The following MYO9B variants were observed in gnomAD, a reference collection of about 807,000 sequenced individuals.
The protein encoded by MYO9B is myosin IXB, also known as unconventional myosin-IXb.
Under a neutral mutation model 229.5 loss-of-function variants are expected in MYO9B, and 71 were observed. The ratio of observed to expected loss-of-function variants is 0.31; its 90% CI spans 0.26 to 0.38. MYO9B has a LOEUF of 0.38. Ranked by LOEUF, MYO9B falls within the 10% of genes least tolerant of loss-of-function variation. The pLI, the probability that MYO9B is intolerant of heterozygous loss-of-function variation, is 1.00. For synonymous variants in MYO9B, 1,185 were observed against 1,235.8 expected, an observed-to-expected ratio of 0.96 and a Z score of 0.86; for missense variants, 2,255 against 2,920.5, an observed-to-expected ratio of 0.77 and a Z score of 5.25.
intron 13 of MYO9B, among the ~76,000 whole-genome samples, chr19:17,175,242 G>A: frequency 6.7e-6 from 1 of 150,230 alleles, no homozygotes; most frequent in East Asian, 2.0e-4. Context: ...ACTGCACTCG[G>A]CCTAGGCAAT....
intron 2 of MYO9B, among the ~76,000 whole-genome samples, chr19:17,108,397 G>A (rs1338418169): frequency 6.6e-6 from 1 of 152,138 alleles, no homozygotes; most frequent in Non-Finnish European, 1.5e-5. Context: ...GACATTCAGG[G>A]CCGGATCGTT....
chr19:17,077,993 G>A (rs980080114), intron 1 of MYO9B, among the ~76,000 whole-genome samples: 2 of 152,150 alleles, frequency 1.3e-5, no homozygotes, highest in Non-Finnish European at 2.9e-5. Context: ...AGTGGAGCAG[G>A]TAGAGACGTG....
In MYO9B at chr19:17,111,125, C is replaced by T. The variant is rs113402376; in HGVS notation, c.840+8568C>T. ...CCACGTCCTTTCCCCCTGAGTCTGTCGGGCAAGACACAGTTGGATGCCAGC... is the reference window on the plus strand; with the variant it reads ...CCACGTCCTTTCCCCCTGAGTCTGTTGGGCAAGACACAGTTGGATGCCAGC... On this transcript the variant is annotated intron_variant, in intron 2 of 39. Transcript: ENST00000682292. Among the ~76,000 whole-genome samples the T allele has an allele frequency of 8.7e-4, 132 of 152,284 alleles. 2 individuals are homozygous for T. Among genetic ancestry groups the T allele is most frequent in the African/African-American group, 3.0e-3 (126 of 41,550 alleles).
At chr19:17,190,804 G>A (rs957971042) in intron 19 of MYO9B, among the ~76,000 whole-genome samples, 2 of 151,986 alleles carry the variant, frequency 1.3e-5, no homozygotes, top group African/African-American at 4.8e-5. Context: ...GACTACAGGT[G>A]TCTGCCACCA....
chr19:17,083,309 C>T (rs952813410), intron 1 of MYO9B, among the ~76,000 whole-genome samples: 5 of 152,050 alleles, frequency 3.3e-5, no homozygotes, highest in African/African-American at 9.7e-5. Flanking sequence ...GGATTACAGG[C>T]GTGAGCCACC....
At chr19:17,167,903 G>T in intron 10 of MYO9B, 40 bp from the exon 11 acceptor site, 1 of 1,550,050 alleles carries the variant, frequency 6.5e-7, no homozygotes, top group Non-Finnish European at 8.7e-7. Context: ...TTACATATCT[G>T]GGAGATAAGA....
At chr19:17,153,157 G>C (rs558117608) in intron 4 of MYO9B, among the ~76,000 whole-genome samples, 1 of 104,374 alleles carries the variant, frequency 9.6e-6, no homozygotes, top group African/African-American at 3.5e-5. Context: ...GTTGGTTGGG[G>C]TTTTTTTGGT....
chr19:17,182,866 T>G (rs2072876435), intron 15 of MYO9B, among the ~76,000 whole-genome samples: 1 of 152,138 alleles, frequency 6.6e-6, no homozygotes, highest in Non-Finnish European at 1.5e-5. Context: ...TTCCATAAGG[T>G]GTCTGAGAAC....
chr19:17,183,123 T>C (rs2072879871), intron 15 of MYO9B, among the ~76,000 whole-genome samples: 1 of 152,170 alleles, frequency 6.6e-6, no homozygotes, highest in Non-Finnish European at 1.5e-5. Context: ...GGTTTCACCA[T>C]GTTGGCCAGG....
At chr19:17,124,407 C>CT (rs1568674768) in intron 2 of MYO9B, among the ~76,000 whole-genome samples, 1 of 152,152 alleles carries the variant, frequency 6.6e-6, no homozygotes, top group Non-Finnish European at 1.5e-5. Flanking sequence ...AAGTGACACT[C>CT]TAACAATGCA....
chr19:17,208,302 G>A (rs1385492623), intron 35 of MYO9B, among the ~76,000 whole-genome samples: 2 of 134,336 alleles, frequency 1.5e-5, no homozygotes, highest in Non-Finnish European at 3.1e-5. Context: ...TCACGCCACT[G>A]CACTCCAGCC....
intron 2 of MYO9B, among the ~76,000 whole-genome samples, chr19:17,116,371 C>A (rs554852636): frequency 6.6e-6 from 1 of 152,256 alleles, no homozygotes; most frequent in South Asian, 2.1e-4. Flanking sequence ...GCCGCAAACC[C>A]CCTAGGAGGA....
At chr19:17,108,427 CT>C (rs2057814172) in intron 2 of MYO9B, among the ~76,000 whole-genome samples, 1 of 152,154 alleles carries the variant, frequency 6.6e-6, no homozygotes, top group Admixed American at 6.5e-5. Context: ...GGGAGTCATC[CT>C]GTGCATTGAA....
At chr19:17,182,798 C>T (rs2072875806) in intron 15 of MYO9B, among the ~76,000 whole-genome samples, 1 of 152,070 alleles carries the variant, frequency 6.6e-6, no homozygotes, top group African/African-American at 2.4e-5. Flanking sequence ...GGCACCAGGC[C>T]TTTTGAATAA....
At chr19:17,138,641 G>A (rs912882604) in intron 2 of MYO9B, among the ~76,000 whole-genome samples, 1 of 152,100 alleles carries the variant, frequency 6.6e-6, no homozygotes, top group African/African-American at 2.4e-5. Context: ...TCCACTCAGT[G>A]GTCAGCCAGT....
chr19:17,080,655 G>T (rs2057526050), intron 1 of MYO9B, among the ~76,000 whole-genome samples: 1 of 152,076 alleles, frequency 6.6e-6, no homozygotes, highest in South Asian at 2.1e-4. Flanking sequence ...ATCACTTGAG[G>T]CCAGGAGTTT....
intron 22 of MYO9B, among the ~76,000 whole-genome samples, chr19:17,196,269 T>TA (rs1478424269): frequency 6.6e-6 from 1 of 150,830 alleles, no homozygotes; most frequent in Non-Finnish European, 1.5e-5. Context: ...GGAAGACAGA[T>TA]ATAGATGATG....
intron 1 of MYO9B, among the ~76,000 whole-genome samples, chr19:17,087,903 G>A (rs59243439): frequency 0.37 from 53,864 of 146,556 alleles, 10,582 homozygotes; most frequent in African/African-American, 0.49. Context: ...GCACTCCACC[G>A]TGGGCAACAA....
chr19:17,076,101 G>GT (rs956782376), intron 1 of MYO9B, among the ~76,000 whole-genome samples: 4 of 74,766 alleles, frequency 5.4e-5, no homozygotes, highest in African/African-American at 2.4e-4. Flanking sequence ...TCGAGGGCGT[G>GT]GGGGGGGTGA....
Sources: allele counts gnomAD v4.1 joint callset (sites outside exome capture counted in the v4.1 genomes callset), GRCh38; gene constraint gnomAD v4.1.1; transcripts MANE v1.5; gene names NCBI Gene and HGNC (gene_info 2026-07-23, HGNC 2026-07-21).